KLF3: variants seen among roughly 807,000 people sequenced by gnomAD.
The protein encoded by KLF3 is KLF transcription factor 3.
Under a neutral mutation model 32.7 loss-of-function variants are expected in KLF3, and 6 were observed. The ratio of observed to expected loss-of-function variants is 0.18; its 90% CI spans 0.10 to 0.36. The LOEUF (loss-of-function observed/expected upper bound fraction) is 0.36. KLF3 is among the 10% of genes least tolerant of loss of function. The pLI is 1.00. For missense variants in KLF3, 338 were observed against 449.7 expected, an observed-to-expected ratio of 0.75 and a Z score of 2.25; for synonymous variants, 145 against 172.8, an observed-to-expected ratio of 0.84 and a Z score of 1.26.
At chr4:38,668,431 G>C (rs1257853514) in intron 1 of KLF3, among the ~76,000 whole-genome samples, 2 of 151,858 alleles carry the variant, frequency 1.3e-5, no homozygotes, top group Non-Finnish European at 2.9e-5. Context: ...CCCCAAAATT[G>C]ATGATAATGG....
chr4:38,683,947 A>G (rs776433448), intron 2 of KLF3, among the ~76,000 whole-genome samples: 1 of 152,162 alleles, frequency 6.6e-6, no homozygotes, highest in Admixed American at 6.5e-5. Flanking sequence ...ATGGGGGTGC[A>G]TGCCATTTGC....
chr4:38,683,983 C>T (rs929880643), intron 2 of KLF3, among the ~76,000 whole-genome samples: 13 of 152,112 alleles, frequency 8.5e-5, no homozygotes, highest in African/African-American at 2.7e-4. Flanking sequence ...TGTTTATACA[C>T]GCACCATGCC....
At chr4:38,694,977 C>G in intron 5 of KLF3, 71 bp downstream of exon 5, 2 of 1,470,890 alleles carry the variant, frequency 1.4e-6, no homozygotes, top group Non-Finnish European at 1.8e-6. Context: ...AAGGTTGTTA[C>G]GATCAAAGTT....
At chr4:38,668,821 G>C (rs1172960183) in intron 1 of KLF3, among the ~76,000 whole-genome samples, 1 of 152,080 alleles carries the variant, frequency 6.6e-6, no homozygotes, top group Non-Finnish European at 1.5e-5. Flanking sequence ...GAGATAATTA[G>C]GGTCTAATAT....
chr4:38,670,904 T>C (rs139765711), intron 1 of KLF3, among the ~76,000 whole-genome samples: 9 of 152,262 alleles, frequency 5.9e-5, no homozygotes, highest in Admixed American at 1.3e-4. Flanking sequence ...TCTCAAATTA[T>C]GTGCAATCAT....
At position 38,700,900 on chromosome 4, in the gene KLF3, C is replaced by G. The variant is rs1169217641; in HGVS notation, c.*3637C>G. 1.3e-5 allele frequency: 2 copies of G among 152,164 alleles called. No individual in the cohort carries two copies. Among genetic ancestry groups the G allele is most frequent in the Non-Finnish European group, 2.9e-5 (2 of 68,028 alleles). The allele number at this position is 152,164 out of a possible 1,614,324, so 9.4% of individuals were successfully genotyped here. On this transcript the variant is annotated 3_prime_UTR_variant, in exon 6 of 6. Coordinates refer to ENST00000261438, the MANE Select transcript of KLF3 (RefSeq NM_016531.6). ...GTTTAATGTACCTTCTCTGTTTCTA[C>G]TCTGTAGTCCAATGGGAATTCAGTA...
intron 2 of KLF3, among the ~76,000 whole-genome samples, chr4:38,686,499 C>G (rs1418232207): frequency 6.6e-6 from 1 of 150,544 alleles, no homozygotes; most frequent in Admixed American, 6.6e-5. Flanking sequence ...TTAAATAGAC[C>G]TTTAGTATCT....
intron 1 of KLF3, among the ~76,000 whole-genome samples, chr4:38,667,794 G>T (rs1722087907): frequency 6.6e-6 from 1 of 152,234 alleles, no homozygotes; most frequent in South Asian, 2.1e-4. Context: ...GGCTGCTCCA[G>T]GTGGCTTCCG....
chr4:38,694,321 A>G (rs1260254572), intron 4 of KLF3, among the ~76,000 whole-genome samples: 1 of 152,308 alleles, frequency 6.6e-6, no homozygotes, highest in East Asian at 1.9e-4. Flanking sequence ...GTGAAAAAAT[A>G]TAGTGTTCAG....
chr4:38,677,837 C>G (rs565822338), intron 1 of KLF3, among the ~76,000 whole-genome samples: 1 of 150,516 alleles, frequency 6.6e-6, no homozygotes, highest in East Asian at 2.0e-4. Context: ...GAATATACAT[C>G]CAGATTTTAT....
chr4:38,693,640 G>A (rs1722952039), intron 4 of KLF3, among the ~76,000 whole-genome samples: 1 of 151,770 alleles, frequency 6.6e-6, no homozygotes, highest in Non-Finnish European at 1.5e-5. Flanking sequence ...TGTATTATAT[G>A]GAACATTTTA....
At chr4:38,695,882 A>C (rs967509168) in intron 5 of KLF3, among the ~76,000 whole-genome samples, 2 of 152,148 alleles carry the variant, frequency 1.3e-5, no homozygotes, top group Non-Finnish European at 2.9e-5. Context: ...GAGTCTTGCA[A>C]ATCATTTTTA....
chr4:38,693,823 CTT>C (rs1402070990), intron 4 of KLF3, among the ~76,000 whole-genome samples: 2 of 152,176 alleles, frequency 1.3e-5, no homozygotes, highest in African/African-American at 4.8e-5. Flanking sequence ...ACTTAACAGA[CTT>C]TTCCCAGCTC....
intron 4 of KLF3, 43 bp downstream of exon 4, chr4:38,689,922 C>A: frequency 6.5e-7 from 1 of 1,547,286 alleles, no homozygotes; most frequent in Non-Finnish European, 8.7e-7. Context: ...TAGTAGTGTG[C>A]ATCTTGGAAC....
intron 3 of KLF3, 111 bp downstream of exon 3, chr4:38,689,182 A>G (rs1235417745): frequency 9.0e-6 from 12 of 1,338,106 alleles, no homozygotes; most frequent in Non-Finnish European, 1.2e-5. Flanking sequence ...TCTTCAAAGG[A>G]AATACTCATC....
At chr4:38,696,984 G>T in intron 5 of KLF3, 98 bp from the exon 6 acceptor site, 1 of 1,009,748 alleles carries the variant, frequency 9.9e-7, no homozygotes, top group South Asian at 1.7e-5. Context: ...ACAAATGTAT[G>T]AACATATCTT....
chr4:38,683,260 T>C (rs918985699), intron 2 of KLF3, among the ~76,000 whole-genome samples: 2 of 152,210 alleles, frequency 1.3e-5, no homozygotes, highest in Non-Finnish European at 2.9e-5. Context: ...ATAAAAATAT[T>C]TTATGGTAAC....
intron 4 of KLF3, among the ~76,000 whole-genome samples, chr4:38,691,728 T>C (rs1722884121): frequency 6.6e-6 from 1 of 152,226 alleles, no homozygotes; most frequent in East Asian, 1.9e-4. Context: ...TACATTCTGC[T>C]TCTCAAAAAA....
intron 4 of KLF3, chr4:38,690,085 A>T (rs1045912371): frequency 2.2e-6 from 1 of 445,726 alleles, no homozygotes; most frequent in African/African-American, 2.0e-5. Context: ...ACGTTATGAC[A>T]AAAGTTACAT....
Sources: gnomAD v4.1 joint callset for allele counts (sites outside exome capture counted in the v4.1 genomes callset) on GRCh38, gnomAD v4.1.1 for gene constraint, MANE v1.5 for transcripts, NCBI Gene and HGNC (gene_info 2026-07-23, HGNC 2026-07-21) for gene names.